SGCD: variants seen among roughly 807,000 people sequenced by gnomAD.
SGCD encodes sarcoglycan delta, also known as delta-sarcoglycan.
A neutral mutation model predicts 36.6 loss-of-function variants in SGCD; 18 were observed. That is an observed-to-expected ratio of 0.49 (90% CI 0.34 to 0.73). The LOEUF is 0.73. SGCD is among the 30% of genes least tolerant of loss of function. SGCD has a pLI of 0.01. For missense variants in SGCD, 387 were observed against 346.7 expected, an observed-to-expected ratio of 1.12 and a Z score of -0.92; for synonymous variants, 133 against 130.6, an observed-to-expected ratio of 1.02 and a Z score of -0.12.
intron 3 of SGCD, among the ~76,000 whole-genome samples, chr5:156,165,968 A>T (rs1387155114): frequency 6.6e-6 from 1 of 152,214 alleles, no homozygotes; most frequent in Non-Finnish European, 1.5e-5. Context: ...CTTAAGTATG[A>T]CAACACAGCA....
rs1368664388 is a variant in SGCD, at chr5:155,967,078, A to G, written c.-282+96654A>G. Among the ~76,000 whole-genome samples the G allele has an allele frequency of 2.0e-5, 3 of 152,036 alleles. No homozygotes were observed. The East Asian group carries it at 5.8e-4, about 29-fold the overall frequency. ...ATATTGGAGATCAATTATGATAACT[A>G]GCAGGCATTTTTTTTCCGAAGCATT... is the stretch of plus-strand genomic sequence containing the variant. On this transcript the variant is annotated intron_variant, in intron 1 of 9. Coordinates refer to the SGCD transcript ENST00000517913.
At chr5:156,542,766 C>G (rs1758402049) in intron 4 of SGCD, among the ~76,000 whole-genome samples, 1 of 152,118 alleles carries the variant, frequency 6.6e-6, no homozygotes, top group African/African-American at 2.4e-5. Context: ...TGCTGCCTCC[C>G]CTTAGCAATA....
chr5:155,746,040 A>G, the SGCD span, among the ~76,000 whole-genome samples: 1 of 152,216 alleles, frequency 6.6e-6, no homozygotes, highest in Non-Finnish European at 1.5e-5. Flanking sequence ...TATTTATAAA[A>G]ACATTGTTTA....
At chr5:156,383,278 C>G (rs1035634126) in intron 3 of SGCD, among the ~76,000 whole-genome samples, 1 of 152,034 alleles carries the variant, frequency 6.6e-6, no homozygotes, top group South Asian at 2.1e-4. Flanking sequence ...CCGAGGCAGG[C>G]AGATCACTTG....
chr5:155,883,304 C>T (rs1188417504), intron 1 of SGCD, among the ~76,000 whole-genome samples: 12 of 152,260 alleles, frequency 7.9e-5, no homozygotes, highest in Middle Eastern at 3.4e-3. Context: ...TTTTCTTTTG[C>T]ATTTACAACT....
intron 1 of SGCD, among the ~76,000 whole-genome samples, chr5:155,923,586 C>T (rs1028623040): frequency 6.6e-6 from 1 of 152,160 alleles, no homozygotes. Flanking sequence ...AAAACCATCA[C>T]CTAATCAATA....
intron 3 of SGCD, among the ~76,000 whole-genome samples, chr5:156,352,249 C>G (rs551043073): frequency 1.5e-4 from 23 of 152,282 alleles, no homozygotes; most frequent in Non-Finnish European, 3.1e-4. Flanking sequence ...GATATCTTAT[C>G]CCAGTACTTG....
intron 3 of SGCD, among the ~76,000 whole-genome samples, chr5:156,303,112 G>C (rs1015126053): frequency 2.0e-5 from 3 of 152,190 alleles, no homozygotes; most frequent in African/African-American, 7.2e-5. Context: ...CATCTGGGAG[G>C]TAGGGTCTGG....
At chr5:156,145,019 T>A (rs990775257) in intron 3 of SGCD, among the ~76,000 whole-genome samples, 1 of 152,126 alleles carries the variant, frequency 6.6e-6, no homozygotes, top group Admixed American at 6.5e-5. Context: ...ATTTTGGAGG[T>A]TCCAGGGACA....
intron 6 of SGCD, among the ~76,000 whole-genome samples, chr5:156,616,682 G>T (rs1350666896): frequency 6.6e-6 from 1 of 152,068 alleles, no homozygotes; most frequent in Non-Finnish European, 1.5e-5. Context: ...TGTACTAATG[G>T]CCTCTTCCTT....
intron 1 of SGCD, among the ~76,000 whole-genome samples, chr5:155,903,919 A>C (rs1756446842): frequency 6.6e-6 from 1 of 152,160 alleles, no homozygotes; most frequent in African/African-American, 2.4e-5. Flanking sequence ...ACTCCTCAGC[A>C]GGGCTTTAGA....
intron 7 of SGCD, among the ~76,000 whole-genome samples, chr5:156,749,294 G>T (rs1179012474): frequency 1.3e-5 from 2 of 152,022 alleles, no homozygotes; most frequent in African/African-American, 4.8e-5. Flanking sequence ...ACTCCTTTGG[G>T]ATGCCGTCAA....
Position 156,024,318 on chromosome 5 carries a change from C to T in SGCD, c.-281-93560C>T, listed in dbSNP as rs551211824. Among the ~76,000 whole-genome samples the T allele has an allele frequency of 4.6e-5, 7 of 151,024 alleles. No individual in the cohort carries two copies. In the East Asian group the frequency reaches 5.8e-4, roughly 13 times the overall value. On this transcript the variant is annotated intron_variant, in intron 1 of 9. Coordinates refer to the SGCD transcript ENST00000517913. ...TGAAAATGTGGCTTATCTTGTATGA[C>T]GTCCTCAAGATGCACTCAATAAATG... is the stretch of plus-strand genomic sequence containing the variant.
At chr5:155,901,107 T>C (rs560530282) in intron 1 of SGCD, among the ~76,000 whole-genome samples, 1 of 152,004 alleles carries the variant, frequency 6.6e-6, no homozygotes, top group Admixed American at 6.6e-5. Flanking sequence ...GCCCAGGAGT[T>C]CAAAAGCAGC....
intron 6 of SGCD, among the ~76,000 whole-genome samples, chr5:156,636,714 C>T (rs1762838068): frequency 6.6e-6 from 1 of 152,180 alleles, no homozygotes; most frequent in Admixed American, 6.5e-5. Context: ...CCCCACTCAG[C>T]AGTCAGTGAA....
intron 3 of SGCD, among the ~76,000 whole-genome samples, chr5:156,365,491 C>T (rs559388955): frequency 1.3e-5 from 2 of 152,284 alleles, no homozygotes; most frequent in South Asian, 4.1e-4. Context: ...ACCCTGGATG[C>T]AAAAATCCAG....
chr5:155,859,708 T>C, the SGCD span, among the ~76,000 whole-genome samples: 4 of 152,298 alleles, frequency 2.6e-5, no homozygotes, highest in African/African-American at 9.6e-5. Context: ...TAGCATTCCA[T>C]TGTATAGATG....
At chr5:156,196,428 CCAGCCAACTGA>C (rs1367018439) in intron 3 of SGCD, among the ~76,000 whole-genome samples, 6 of 152,162 alleles carry the variant, frequency 3.9e-5, no homozygotes, top group African/African-American at 1.4e-4. Context: ...ATGCTGTTTG[CCAGCCAACTGA>C]TTAACCTAGT....
intron 1 of SGCD, among the ~76,000 whole-genome samples, chr5:156,024,792 T>C (rs1178355572): frequency 1.3e-5 from 2 of 152,018 alleles, no homozygotes; most frequent in East Asian, 3.9e-4. Context: ...ACCCCGTTTC[T>C]ACTAAAATAC....
Sources: allele counts gnomAD v4.1 joint callset (sites outside exome capture counted in the v4.1 genomes callset), GRCh38; gene constraint gnomAD v4.1.1; transcripts MANE v1.5; gene names NCBI Gene and HGNC (gene_info 2026-07-23, HGNC 2026-07-21).